Variants in ARHGAP18 observed in about 807,000 individuals in gnomAD.
ARHGAP18 encodes the protein Rho GTPase activating protein 18, also known as rho GTPase-activating protein 18.
Under a neutral mutation model 86.2 loss-of-function variants are expected in ARHGAP18, and 67 were observed. That is an observed-to-expected ratio of 0.78 (90% CI 0.64 to 0.95). The LOEUF is 0.95. ARHGAP18 is among the 40% of genes least tolerant of loss of function. ARHGAP18 has a pLI of 0.00. For missense variants in ARHGAP18, 691 were observed against 780.4 expected, an observed-to-expected ratio of 0.89 and a Z score of 1.37; for synonymous variants, 283 against 280.4, an observed-to-expected ratio of 1.01 and a Z score of -0.09.
chr6:129,699,690 C>T (rs1047841273), intron 1 of ARHGAP18, among the ~76,000 whole-genome samples: 5 of 152,168 alleles, frequency 3.3e-5, no homozygotes, highest in Non-Finnish European at 5.9e-5. Flanking sequence ...ATGGCTTCTG[C>T]ATTTCTAATT....
chr6:129,666,885 G>GC (rs11450417), intron 1 of ARHGAP18, among the ~76,000 whole-genome samples: 78,424 of 151,942 alleles, frequency 0.52, 20,990 homozygotes, highest in African/African-American at 0.66. Context: ...CCTGTTAAAA[G>GC]CTATTTCCTA....
At chr6:129,673,607 A>C (rs1400596881) in intron 1 of ARHGAP18, among the ~76,000 whole-genome samples, 1 of 152,132 alleles carries the variant, frequency 6.6e-6, no homozygotes, top group Admixed American at 6.5e-5. Context: ...TTATATGGTA[A>C]ATGCCTTGAA....
chr6:129,596,950 G>A (rs1323250513), intron 12 of ARHGAP18: 1 of 152,192 alleles, frequency 6.6e-6, no homozygotes, highest in Non-Finnish European at 1.5e-5. Flanking sequence ...CACATTAAAT[G>A]TTTTAGCTTT....
chr6:129,608,689 T>C (rs1307171273), intron 8 of ARHGAP18, among the ~76,000 whole-genome samples: 1 of 152,202 alleles, frequency 6.6e-6, no homozygotes, highest in East Asian at 1.9e-4. Context: ...ACAAAATTTG[T>C]CAGGCAAATT....
At chr6:129,664,532 T>C (rs1466522832) in intron 1 of ARHGAP18, among the ~76,000 whole-genome samples, 1 of 152,156 alleles carries the variant, frequency 6.6e-6, no homozygotes, top group African/African-American at 2.4e-5. Flanking sequence ...TGTGGTGTCT[T>C]AGGAGTCACC....
At chr6:129,683,004 C>T (rs1377195658) in intron 1 of ARHGAP18, among the ~76,000 whole-genome samples, 1 of 150,740 alleles carries the variant, frequency 6.6e-6, no homozygotes, top group Admixed American at 6.6e-5. Context: ...TGGTTATTCA[C>T]AGACTTATAT....
At chr6:129,601,065 A>G (rs1788731791) in intron 10 of ARHGAP18, among the ~76,000 whole-genome samples, 1 of 152,174 alleles carries the variant, frequency 6.6e-6, no homozygotes, top group Admixed American at 6.6e-5. Context: ...GGTGCTGGGG[A>G]ATGAAGCAGA....
At chr6:129,588,553 G>A (rs754032360) in intron 12 of ARHGAP18, among the ~76,000 whole-genome samples, 5 of 152,162 alleles carry the variant, frequency 3.3e-5, no homozygotes, top group Non-Finnish European at 7.4e-5. Flanking sequence ...ACCCCCTCCC[G>A]GCTGCTTTCA....
intron 10 of ARHGAP18, among the ~76,000 whole-genome samples, chr6:129,601,490 A>G (rs1420556498): frequency 6.6e-6 from 1 of 151,726 alleles, no homozygotes; most frequent in African/African-American, 2.4e-5. Flanking sequence ...AAGAGAAGAG[A>G]AGAGAGAAAA....
At chr6:129,655,255 G>T (rs1382036965) in intron 1 of ARHGAP18, among the ~76,000 whole-genome samples, 1 of 147,832 alleles carries the variant, frequency 6.8e-6, no homozygotes, top group Admixed American at 6.9e-5. Context: ...GGAGATGGAG[G>T]TTGCGGTGAG....
intron 6 of ARHGAP18, among the ~76,000 whole-genome samples, chr6:129,617,426 C>T (rs1232985793): frequency 6.6e-6 from 1 of 152,088 alleles, no homozygotes; most frequent in East Asian, 1.9e-4. Context: ...CAAAAGAACG[C>T]CAGTAACCCA....
intron 12 of ARHGAP18, among the ~76,000 whole-genome samples, chr6:129,595,249 TTC>T (rs1788593286): frequency 1.3e-5 from 2 of 152,204 alleles, no homozygotes; most frequent in African/African-American, 4.8e-5. Context: ...GACTCGTAAC[TTC>T]TTTTATCACA....
At chr6:129,612,633 T>A (rs1789003567) in intron 7 of ARHGAP18, among the ~76,000 whole-genome samples, 1 of 152,220 alleles carries the variant, frequency 6.6e-6, no homozygotes, top group South Asian at 2.1e-4. Context: ...ACCTGGAGCT[T>A]ACTGTTTTTC....
intron 1 of ARHGAP18, among the ~76,000 whole-genome samples, chr6:129,663,817 C>T (rs73776352): frequency 2.5e-3 from 384 of 152,384 alleles, no homozygotes; most frequent in African/African-American, 8.9e-3. Flanking sequence ...CATATCCACA[C>T]GTACTGAAAT....
intron 13 of ARHGAP18, among the ~76,000 whole-genome samples, chr6:129,581,530 T>A (rs965962412): frequency 4.6e-5 from 7 of 152,172 alleles, no homozygotes; most frequent in African/African-American, 1.7e-4. Context: ...AAGAAAAACA[T>A]CTAGTTAGAT....
chr6:129,687,591 G>A (rs892224636), intron 1 of ARHGAP18, among the ~76,000 whole-genome samples: 29 of 152,126 alleles, frequency 1.9e-4, no homozygotes, highest in African/African-American at 6.8e-4. Context: ...AGGAAAGCAG[G>A]CTTCAGACAG....
chr6:129,661,991 C>G (rs982265112), intron 1 of ARHGAP18: 12 of 801,638 alleles, frequency 1.5e-5, no homozygotes, highest in African/African-American at 5.9e-5. Context: ...CACACACACA[C>G]AGAACACAAA....
At chr6:129,604,977 G>A (rs1788822815) in intron 10 of ARHGAP18, among the ~76,000 whole-genome samples, 1 of 152,040 alleles carries the variant, frequency 6.6e-6, no homozygotes, top group Admixed American at 6.6e-5. Flanking sequence ...ATTCCAAGAT[G>A]TACCAACTAG....
At chr6:129,637,831 T>A (rs1029653004) in intron 3 of ARHGAP18, among the ~76,000 whole-genome samples, 5 of 152,194 alleles carry the variant, frequency 3.3e-5, no homozygotes, top group African/African-American at 1.2e-4. Context: ...GCTGCCCAAT[T>A]TGCAAATCAT....
Sources: gnomAD v4.1 joint callset for allele counts (sites outside exome capture counted in the v4.1 genomes callset) on GRCh38, gnomAD v4.1.1 for gene constraint, MANE v1.5 for transcripts, NCBI Gene and HGNC (gene_info 2026-07-23, HGNC 2026-07-21) for gene names.